ABCC1: variants seen among roughly 807,000 people sequenced by gnomAD.
ABCC1 encodes the protein multidrug resistance-associated protein 1.
In ABCC1, 83 loss-of-function variants were observed where a neutral mutation model predicts 172.9. The ratio of observed to expected loss-of-function variants is 0.48; its 90% confidence interval spans 0.40 to 0.58. The LOEUF is 0.58. Among genes scored for constraint, ABCC1 ranks in the 20% least tolerant of loss-of-function variants. ABCC1 has a pLI of 0.00. For missense variants in ABCC1, 1,817 were observed against 2,002.7 expected (o/e 0.91, Z 1.77); for synonymous variants, 937 against 825.2 (o/e 1.14, Z -2.32).
intron 19 of ABCC1, among the ~76,000 whole-genome samples, chr16:16,098,551 G>A (rs764115833): frequency 1.2e-4 from 18 of 152,328 alleles, no homozygotes; most frequent in Admixed American, 6.5e-4. Context: ...CCTGGGTGGC[G>A]GAGGTTGCGG....
At chr16:16,046,383 C>A (rs2049209860) in intron 9 of ABCC1, among the ~76,000 whole-genome samples, 1 of 151,824 alleles carries the variant, frequency 6.6e-6, no homozygotes, top group Admixed American at 6.6e-5. Flanking sequence ...CTCACTCTCT[C>A]CCCCAGACTG....
intron 1 of ABCC1, among the ~76,000 whole-genome samples, chr16:15,981,834 C>G (rs1195901612): frequency 6.6e-6 from 1 of 152,192 alleles, no homozygotes; most frequent in East Asian, 1.9e-4. Flanking sequence ...CATCACCCTT[C>G]CAATGTTTCA....
chr16:16,029,679 A>G (rs567603875), intron 5 of ABCC1, among the ~76,000 whole-genome samples: 50 of 152,362 alleles, frequency 3.3e-4, no homozygotes, highest in African/African-American at 9.1e-4. Context: ...TCATTGCTCA[A>G]CTTTCTCTAA....
At chr16:16,043,767 A>G (rs904582471) in intron 7 of ABCC1, among the ~76,000 whole-genome samples, 3 of 151,768 alleles carry the variant, frequency 2.0e-5, no homozygotes, top group Non-Finnish European at 4.4e-5. Flanking sequence ...ATGCCCGGCT[A>G]ATTTTTGTAT....
intron 7 of ABCC1, among the ~76,000 whole-genome samples, chr16:16,041,552 T>C (rs2048978582): frequency 6.6e-6 from 1 of 152,128 alleles, no homozygotes; most frequent in Middle Eastern, 3.2e-3. Flanking sequence ...AAGCCAGATC[T>C]GGCACCTGTA....
chr16:16,123,781 G>A (rs1474036300), intron 24 of ABCC1, among the ~76,000 whole-genome samples: 2 of 152,178 alleles, frequency 1.3e-5, no homozygotes, highest in Non-Finnish European at 2.9e-5. Flanking sequence ...GGTGGCCAAG[G>A]CAGGCGGGTC....
At chr16:16,075,491 G>T (rs1409685747) in intron 14 of ABCC1, among the ~76,000 whole-genome samples, 2 of 152,024 alleles carry the variant, frequency 1.3e-5, no homozygotes, top group Non-Finnish European at 2.9e-5. Flanking sequence ...TTAGCTGGGT[G>T]TGATGGTGCA....
chr16:16,030,530 A>C (rs1266811752), intron 5 of ABCC1, among the ~76,000 whole-genome samples: 1 of 152,008 alleles, frequency 6.6e-6, no homozygotes, highest in Non-Finnish European at 1.5e-5. Flanking sequence ...ATCTCAAAAA[A>C]CAAAACAAAA....
At chr16:15,991,343 C>G (rs1385745081) in intron 1 of ABCC1, among the ~76,000 whole-genome samples, 1 of 152,018 alleles carries the variant, frequency 6.6e-6, no homozygotes, top group Non-Finnish European at 1.5e-5. Flanking sequence ...TCTTCTTTCC[C>G]TTTTCTTAAT....
chr16:16,046,599 C>T (rs2049219307), intron 9 of ABCC1, among the ~76,000 whole-genome samples: 1 of 152,178 alleles, frequency 6.6e-6, no homozygotes. Flanking sequence ...CCTGCCTCAG[C>T]CTCCCAAAGT....
At chr16:15,988,361 G>C (rs2046787803) in intron 1 of ABCC1, among the ~76,000 whole-genome samples, 1 of 152,108 alleles carries the variant, frequency 6.6e-6, no homozygotes, top group South Asian at 2.1e-4. Flanking sequence ...GCCGGCCCTT[G>C]GTCCCTATTG....
chr16:15,974,851 A>T (rs2046448120), intron 1 of ABCC1, among the ~76,000 whole-genome samples: 1 of 152,152 alleles, frequency 6.6e-6, no homozygotes, highest in Non-Finnish European at 1.5e-5. Flanking sequence ...CGGTGGCATG[A>T]TCTCGGCTCA....
rs1185652197 is a variant in ABCC1, at chr16:16,068,230, G to T, written c.1752G>T (p.Val584=). 1 of 1,614,182 alleles carries T rather than the reference G, an allele frequency of 6.2e-7. No individual in the cohort carries two copies. Among genetic ancestry groups the T allele is most frequent in the African/African-American group, 1.3e-5 (1 of 75,046 alleles). ...TCCTGGATGCCCAGACAGCCTTCGT[G>T]TCTTTGGCCTTGTTCAACATCCTCC... ...NNILDAQTAF[V]SLALFNILRF... The change falls in exon 13 of 31, where the codon GTG becomes GTT. Residue 584 remains valine (V), a synonymous_variant. Coordinates refer to ENST00000399410, the MANE Select transcript of ABCC1 (RefSeq NM_004996.4).
In ABCC1 at chr16:16,057,094, C is replaced by T. The variant is rs1271790042; in HGVS notation, c.1677+799C>T. On this transcript the variant is annotated intron_variant, in intron 12 of 30. Transcript: ENST00000399410. The stretch of plus-strand genomic sequence containing the variant: ...CGGTGGCTTGTGCCTGTAATCCCAG[C>T]CCTTTGGGAGTCCAAGGTGGGTAGA... Among the ~76,000 whole-genome samples, 28 of 151,606 alleles carry T rather than the reference C, an allele frequency of 1.8e-4. 1 individual carries two copies. The highest frequency in any genetic ancestry group is 4.4e-5 in the Non-Finnish European group (3 of 67,932).
intron 12 of ABCC1, among the ~76,000 whole-genome samples, chr16:16,066,036 A>C (rs963341326): frequency 2.6e-5 from 4 of 152,040 alleles, no homozygotes; most frequent in African/African-American, 9.7e-5. Flanking sequence ...TCATTACCCC[A>C]AAAGGAAGCC....
chr16:15,990,728 C>A (rs973777147), intron 1 of ABCC1, among the ~76,000 whole-genome samples: 8 of 151,846 alleles, frequency 5.3e-5, no homozygotes, highest in Non-Finnish European at 8.8e-5. Flanking sequence ...CGGCTCACTG[C>A]AAGCTCCGCC....
intron 1 of ABCC1, among the ~76,000 whole-genome samples, chr16:15,991,021 T>G (rs1484321649): frequency 1.3e-5 from 2 of 152,064 alleles, no homozygotes; most frequent in Admixed American, 1.3e-4. Context: ...GATCATGTTT[T>G]CTTTGTCCAC....
chr16:16,068,451 G>A (rs1487602835), intron 13 of ABCC1, 149 bp downstream of exon 13: 8 of 905,534 alleles, frequency 8.8e-6, no homozygotes, highest in Admixed American at 2.3e-5. Flanking sequence ...CTTTCGTCTG[G>A]TCATGCCTGA....
intron 1 of ABCC1, among the ~76,000 whole-genome samples, chr16:15,985,447 T>C (rs2046721186): frequency 6.7e-6 from 1 of 149,802 alleles, no homozygotes; most frequent in Non-Finnish European, 1.5e-5. Flanking sequence ...TTTCTTTTTC[T>C]TTTTTTTTTC....
Sources: allele counts gnomAD v4.1 joint callset (sites outside exome capture counted in the v4.1 genomes callset), GRCh38; gene constraint gnomAD v4.1.1; transcripts MANE v1.5; gene names NCBI Gene and HGNC (gene_info 2026-07-23, HGNC 2026-07-21).